Variants in PRSS23 observed in about 807,000 individuals in gnomAD.
PRSS23 encodes serine protease 23.
In PRSS23, 25 loss-of-function variants were observed where a neutral mutation model predicts 34.7. The observed-to-expected ratio is 0.72, with a 90% confidence interval of 0.53 to 1.01. The LOEUF is 1.01. PRSS23 is among the 50% of genes least tolerant of loss of function. The pLI is 0.00. For missense variants in PRSS23, 445 were observed against 475.6 expected, an observed-to-expected ratio of 0.94 and a Z score of 0.60; for synonymous variants, 176 against 186.6, an observed-to-expected ratio of 0.94 and a Z score of 0.46.
At chr11:86,849,918 C>G (rs189015427) in intron 2 of PRSS23, among the ~76,000 whole-genome samples, 11 of 152,250 alleles carry the variant, frequency 7.2e-5, no homozygotes, top group Admixed American at 5.9e-4. Context: ...GACATAGTAA[C>G]AGCTGAAAGA....
In PRSS23 at chr11:86,808,947, G is replaced by A. The variant is rs1443964280; in HGVS notation, c.*152G>A. ...AATCTTTTACCTATTTCTTACAATT[G>A]CAAGATGACTGGCTTTACTATTTGA... On this transcript the variant is annotated 3_prime_UTR_variant, in exon 2 of 2. Coordinates refer to ENST00000280258, the MANE Select transcript of PRSS23 (RefSeq NM_007173.6). 1.5e-6 allele frequency: 1 copy of A among 656,178 alleles called. No homozygotes were observed. Among genetic ancestry groups the A allele is most frequent in the African/African-American group, 1.8e-5 (1 of 54,812 alleles). 40.6% of individuals were successfully genotyped at this position (656,178 alleles called of 1,614,324 possible).
chr11:86,905,273 G>A (rs1435662474), intron 2 of PRSS23, among the ~76,000 whole-genome samples: 4 of 152,140 alleles, frequency 2.6e-5, no homozygotes, highest in African/African-American at 9.7e-5. Context: ...AAGTAACAAT[G>A]CTGGAAAATT....
Position 86,818,442 on chromosome 11 carries a change from G to T in PRSS23, c.-11-4935G>T, listed in dbSNP as rs185030960. On this transcript the variant is annotated intron_variant, in intron 1 of 2. Coordinates refer to the PRSS23 transcript ENST00000533902. ...CTTATAACATGATTCTGATCAATTTGTATTTAGTAAGTGTTTCCGACCATT... is the reference window on the plus strand; with the variant it reads ...CTTATAACATGATTCTGATCAATTTTTATTTAGTAAGTGTTTCCGACCATT... Among the ~76,000 whole-genome samples, 36 of 152,194 alleles carry T rather than the reference G, an allele frequency of 2.4e-4. No homozygotes were observed. The East Asian group carries it at 6.4e-3, about 27-fold the overall frequency.
At chr11:86,920,583 C>T (rs1307960486) in intron 2 of PRSS23, among the ~76,000 whole-genome samples, 1 of 151,996 alleles carries the variant, frequency 6.6e-6, no homozygotes, top group Admixed American at 6.6e-5. Flanking sequence ...CGGACGTTTA[C>T]AGAATGGAGT....
chr11:86,906,855 C>T (rs1285183463), intron 2 of PRSS23, among the ~76,000 whole-genome samples: 1 of 151,994 alleles, frequency 6.6e-6, no homozygotes, highest in Non-Finnish European at 1.5e-5. Context: ...TATCTCTGTA[C>T]AAATTAAGGC....
At chr11:86,872,984 A>T (rs1381400233) in intron 2 of PRSS23, among the ~76,000 whole-genome samples, 1 of 152,088 alleles carries the variant, frequency 6.6e-6, no homozygotes, top group South Asian at 2.1e-4. Context: ...CTCAGTTCTC[A>T]TCATTCAATG....
At chr11:86,934,823 T>G (rs543889917) in intron 2 of PRSS23, 1 of 152,288 alleles carries the variant, frequency 6.6e-6, no homozygotes, top group East Asian at 1.9e-4. Flanking sequence ...ATGGGAGGAT[T>G]TGGGAAAGGA....
In PRSS23 at chr11:86,807,711, C is replaced by T. The variant is rs149461457; in HGVS notation, c.68C>T (p.Pro23Leu). 2.0e-5 allele frequency: 32 copies of T among 1,614,096 alleles called. No homozygotes were observed. The Middle Eastern group carries it at 8.2e-4, about 42-fold the overall frequency. Reference sequence around the variant, plus strand: ...CTCTGTGCTGTTGGGCAAGTGAGCCCTTACAGTGCCCCCTGGAAACCCACT... The same window carrying T: ...CTCTGTGCTGTTGGGCAAGTGAGCCTTTACAGTGCCCCCTGGAAACCCACT... ...FLLCAVGQVS[P>L]YSAPWKPTWP... The change falls in exon 2 of 2, where the codon CCT becomes CTT. Residue 23 changes from proline to leucine, a missense_variant. Pro to Leu is a moderately conservative substitution (Grantham distance 98). Coordinates refer to ENST00000280258, the MANE Select transcript of PRSS23 (RefSeq NM_007173.6).
chr11:86,810,426 T>C lies in PRSS23; in HGVS notation c.*1631T>C, dbSNP rs373409994. On this transcript the variant is annotated 3_prime_UTR_variant, in exon 2 of 2. Coordinates refer to ENST00000280258, the MANE Select transcript of PRSS23 (RefSeq NM_007173.6). ...CAAGAAACGTACAACCACAGTGCTT[T>C]CTTCAAATCATATGAGAAATACTAT... 4.8e-5 allele frequency: 8 copies of C among 167,202 alleles called. No individual in the cohort carries two copies. The East Asian group carries it at 7.7e-4, about 16-fold the overall frequency. 10.4% of individuals were successfully genotyped at this position (167,202 alleles called of 1,614,324 possible). A position where few individuals can be genotyped will look rare whatever the true frequency, so the allele number is the denominator to read the frequency against.
At chr11:86,872,431 A>T (rs1324595423) in intron 2 of PRSS23, among the ~76,000 whole-genome samples, 1 of 152,190 alleles carries the variant, frequency 6.6e-6, no homozygotes. Flanking sequence ...CCTGATTCCA[A>T]CATTCTCTTA....
upstream of PRSS23, among the ~76,000 whole-genome samples, chr11:86,798,752 T>C (rs187387474): frequency 1.7e-4 from 26 of 152,332 alleles, no homozygotes; most frequent in African/African-American, 6.0e-4. Flanking sequence ...TGGAGTGCAG[T>C]GGTGATCATA....
intron 1 of PRSS23, among the ~76,000 whole-genome samples, chr11:86,822,277 C>G (rs1292133186): frequency 6.6e-6 from 1 of 152,098 alleles, no homozygotes; most frequent in African/African-American, 2.4e-5. Flanking sequence ...CTTTTAGAGA[C>G]TTGTAGTATC....
chr11:86,933,799 A>G (rs1212141458), intron 2 of PRSS23: 1 of 152,230 alleles, frequency 6.6e-6, no homozygotes, highest in East Asian at 1.9e-4. Context: ...TTGTTAAACA[A>G]TGGTGGGTAA....
At chr11:86,891,768 C>T (rs553764651) in intron 2 of PRSS23, among the ~76,000 whole-genome samples, 1 of 152,018 alleles carries the variant, frequency 6.6e-6, no homozygotes, top group Admixed American at 6.6e-5. Context: ...GGCAGTTTCC[C>T]CCATGCTGTT....
At position 86,807,976 on chromosome 11, in the gene PRSS23, T is replaced by C; in HGVS notation, c.333T>C (p.Asp111=). The change falls in exon 2 of 2, where the codon GAT becomes GAC. Residue 111 remains aspartate, a synonymous_variant. Coordinates refer to ENST00000280258, the MANE Select transcript of PRSS23 (RefSeq NM_007173.6). ...VGIYILSSSG[D]GAQHRDSGSS... ...TCTACATCCTCAGCAGTAGTGGAGA[T>C]GGGGCCCAACACCGAGACTCAGGGT... 4 of 1,613,806 alleles carry C rather than the reference T, an allele frequency of 2.5e-6. No homozygotes were observed. Among genetic ancestry groups the C allele is most frequent in the Non-Finnish European group, 3.4e-6 (4 of 1,179,946 alleles).
intron 2 of PRSS23, among the ~76,000 whole-genome samples, chr11:86,856,324 TAA>T (rs56199835): frequency 0.09 from 13,064 of 145,840 alleles, 735 homozygotes; most frequent in Non-Finnish European, 0.12. Flanking sequence ...TCTGGTGCTT[TAA>T]AAAAAAAAAA....
chr11:86,913,274 C>CA (rs201233084), intron 2 of PRSS23, among the ~76,000 whole-genome samples: 9,436 of 60,976 alleles, frequency 0.15, 395 homozygotes, highest in Non-Finnish European at 0.19. Context: ...TGCCCTCAGG[C>CA]AAAAAAAAAA....
chr11:86,903,372 G>A (rs1221245096), intron 2 of PRSS23, among the ~76,000 whole-genome samples: 17 of 152,186 alleles, frequency 1.1e-4, no homozygotes, highest in South Asian at 6.2e-4. Flanking sequence ...CCCCACTAGC[G>A]ATGTATGGGC....
Position 86,905,810 on chromosome 11 carries a change from A to G in PRSS23, c.207-45406A>G, listed in dbSNP as rs887057449. ...TCCCACTCATCTGGGGTTTCTGCTC[A>G]CTATGCAATGCTGCTCTTACCTGAA... On this transcript the variant is annotated intron_variant, in intron 2 of 2. Coordinates refer to the PRSS23 transcript ENST00000533902. Among the ~76,000 whole-genome samples, 11 of 152,188 alleles carry G rather than the reference A, an allele frequency of 7.2e-5. No homozygotes were observed. In the East Asian group the frequency reaches 1.7e-3, roughly 24 times the overall value.
Sources: gnomAD v4.1 joint callset for allele counts (sites outside exome capture counted in the v4.1 genomes callset) on GRCh38, gnomAD v4.1.1 for gene constraint, MANE v1.5 for transcripts, NCBI Gene and HGNC (gene_info 2026-07-23, HGNC 2026-07-21) for gene names.